Variants in SPMIP3 observed in about 807,000 individuals in gnomAD.
The protein encoded by SPMIP3 is sperm microtubule inner protein 3.
chr1:244,384,144 G>C, the SPMIP3 span, among the ~76,000 whole-genome samples: 15 of 152,206 alleles, frequency 9.9e-5, no homozygotes, highest in Non-Finnish European at 1.9e-4. Flanking sequence ...GGGGCAGGGT[G>C]GGGAGCAGCA....
the SPMIP3 span, among the ~76,000 whole-genome samples, chr1:244,383,043 C>G: frequency 6.6e-6 from 1 of 151,838 alleles, no homozygotes; most frequent in Admixed American, 6.6e-5. Flanking sequence ...TGGATTCCAG[C>G]GATATTTTGG....
the SPMIP3 span, among the ~76,000 whole-genome samples, chr1:244,384,345 A>G: frequency 6.6e-6 from 1 of 152,158 alleles, no homozygotes; most frequent in Non-Finnish European, 1.5e-5. Context: ...CTGGGACTAC[A>G]GGCATGAGCC....
the SPMIP3 span, among the ~76,000 whole-genome samples, chr1:244,358,593 A>T: frequency 6.8e-6 from 1 of 148,104 alleles, no homozygotes; most frequent in African/African-American, 2.5e-5. Flanking sequence ...AAAAAAAAAA[A>T]AAATTAAGTA....
At chr1:244,385,634 TCTAC>T in the SPMIP3 span, among the ~76,000 whole-genome samples, 3 of 152,194 alleles carry the variant, frequency 2.0e-5, no homozygotes, top group Non-Finnish European at 4.4e-5. Context: ...AAAAATAGTA[TCTAC>T]CTAATAGAAT....
At chr1:244,370,559 TGGA>T in the SPMIP3 span, among the ~76,000 whole-genome samples, 63 of 152,350 alleles carry the variant, frequency 4.1e-4, no homozygotes, top group African/African-American at 1.5e-3. Context: ...CCTAGCCCAC[TGGA>T]GGCACAGCAG....
the SPMIP3 span, among the ~76,000 whole-genome samples, chr1:244,359,558 C>T: frequency 1.3e-5 from 2 of 151,964 alleles, no homozygotes; most frequent in Admixed American, 1.3e-4. Flanking sequence ...CCCGCCTCTA[C>T]TAAAAATACA....
the SPMIP3 span, among the ~76,000 whole-genome samples, chr1:244,377,460 T>G: frequency 6.6e-6 from 1 of 152,192 alleles, no homozygotes; most frequent in Non-Finnish European, 1.5e-5. Context: ...TTCCCACATA[T>G]TTCTGCGTCA....
the SPMIP3 span, chr1:244,375,541 G>T: frequency 1.7e-6 from 2 of 1,145,510 alleles, no homozygotes; most frequent in South Asian, 1.3e-5. Context: ...TCGGCGGGGG[G>T]AAGATACACT....
At chr1:244,378,693 AG>A in the SPMIP3 span, 3 of 1,541,702 alleles carry the variant, frequency 1.9e-6, no homozygotes, top group African/African-American at 4.1e-5. Flanking sequence ...CCTGGGCCAC[AG>A]ATTAGCATCT....
chr1:244,359,065 A>T, the SPMIP3 span, among the ~76,000 whole-genome samples: 1 of 151,856 alleles, frequency 6.6e-6, no homozygotes, highest in Non-Finnish European at 1.5e-5. Context: ...TTTAAGATTG[A>T]CTAAAATAAA....
the SPMIP3 span, among the ~76,000 whole-genome samples, chr1:244,380,123 C>CTT: frequency 0.012 from 1,368 of 115,392 alleles, 1 homozygote; most frequent in Non-Finnish European, 0.015. Context: ...CAGAGTTTTT[C>CTT]TTTTTTTTTT....
the SPMIP3 span, among the ~76,000 whole-genome samples, chr1:244,354,869 T>C: frequency 2.0e-5 from 3 of 152,206 alleles, no homozygotes; most frequent in Non-Finnish European, 4.4e-5. Flanking sequence ...CTCAGCTGCC[T>C]GGAAGGTAAT....
At chr1:244,375,610 A>G in the SPMIP3 span, 1 of 540,594 alleles carries the variant, frequency 1.8e-6, no homozygotes, top group Admixed American at 3.3e-5. Context: ...TTTGCAAGAA[A>G]ATATACCAAA....
At chr1:244,362,938 G>A in the SPMIP3 span, among the ~76,000 whole-genome samples, 3 of 150,278 alleles carry the variant, frequency 2.0e-5, no homozygotes, top group Non-Finnish European at 4.4e-5. Flanking sequence ...CCGCTTCCTG[G>A]GCTCAAGCGA....
chr1:244,356,657 T>C, the SPMIP3 span, among the ~76,000 whole-genome samples: 1 of 152,184 alleles, frequency 6.6e-6, no homozygotes, highest in Non-Finnish European at 1.5e-5. Context: ...CTAGGAGCCA[T>C]GAACCTGCAC....
chr1:244,376,730 T>G, the SPMIP3 span, among the ~76,000 whole-genome samples: 2 of 152,244 alleles, frequency 1.3e-5, no homozygotes, highest in African/African-American at 4.8e-5. Flanking sequence ...ATTCAATGCA[T>G]AATTCAATTG....
the SPMIP3 span, among the ~76,000 whole-genome samples, chr1:244,357,601 CAGG>C: frequency 3.3e-5 from 5 of 149,302 alleles, no homozygotes; most frequent in Admixed American, 1.4e-4. Flanking sequence ...CCCAGTTACT[CAGG>C]AGGCTGAGGC....
the SPMIP3 span, chr1:244,364,750 C>T: frequency 1.1e-5 from 18 of 1,613,962 alleles, no homozygotes; most frequent in East Asian, 2.2e-5. Flanking sequence ...CCAGTGATCC[C>T]GCCAAGGTAT....
chr1:244,358,324 C>T, the SPMIP3 span, among the ~76,000 whole-genome samples: 1 of 152,056 alleles, frequency 6.6e-6, no homozygotes, highest in African/African-American at 2.4e-5. Context: ...TGGCTCACAC[C>T]TGTAATCCCA....
Sources: allele counts gnomAD v4.1 joint callset (sites outside exome capture counted in the v4.1 genomes callset), GRCh38; gene constraint gnomAD v4.1.1; transcripts MANE v1.5; gene names NCBI Gene and HGNC (gene_info 2026-07-23, HGNC 2026-07-21).